Variants in SCHIP1 observed in about 807,000 individuals in gnomAD.
The protein encoded by SCHIP1 is schwannomin-interacting protein 1.
Under a neutral mutation model 29.7 loss-of-function variants are expected in SCHIP1, and 8 were observed. The observed-to-expected ratio is 0.27, with a 90% CI of 0.16 to 0.49. The LOEUF (loss-of-function observed/expected upper bound fraction) is 0.49. Among genes scored for constraint, SCHIP1 ranks in the 20% least tolerant of loss-of-function variants. The pLI is 0.99. For synonymous variants in SCHIP1, 76 were observed against 94.9 expected, an observed-to-expected ratio of 0.80 and a Z score of 1.16; for missense variants, 193 against 294.6, an observed-to-expected ratio of 0.66 and a Z score of 2.52.
At chr3:159,636,081 C>T in the SCHIP1 span, among the ~76,000 whole-genome samples, 1 of 152,212 alleles carries the variant, frequency 6.6e-6, no homozygotes, top group Admixed American at 6.5e-5. Context: ...CAGAGTCCTG[C>T]TCTGCTGCCC....
chr3:159,417,838 C>T, the SCHIP1 span, among the ~76,000 whole-genome samples: 1 of 152,200 alleles, frequency 6.6e-6, no homozygotes, highest in Admixed American at 6.5e-5. Flanking sequence ...TGAACCTCTA[C>T]TGCCATATTA....
chr3:159,281,211 C>G, the SCHIP1 span, among the ~76,000 whole-genome samples: 1 of 152,190 alleles, frequency 6.6e-6, no homozygotes. Flanking sequence ...GAAATACATC[C>G]TCTTGGAACT....
chr3:159,775,687 G>A, the SCHIP1 span, among the ~76,000 whole-genome samples: 2 of 152,222 alleles, frequency 1.3e-5, no homozygotes, highest in Admixed American at 6.5e-5. Flanking sequence ...TAGCCACCCA[G>A]CTGTGCCAGT....
chr3:159,465,626 G>A, the SCHIP1 span, among the ~76,000 whole-genome samples: 15 of 152,162 alleles, frequency 9.9e-5, no homozygotes, highest in South Asian at 2.7e-3. Context: ...TTTCCTTTGA[G>A]TTGCAATAAA....
At chr3:159,287,569 T>C in the SCHIP1 span, among the ~76,000 whole-genome samples, 1 of 152,282 alleles carries the variant, frequency 6.6e-6, no homozygotes, top group Non-Finnish European at 1.5e-5. Context: ...AATTACTGTC[T>C]AGCACAAGAT....
the SCHIP1 span, among the ~76,000 whole-genome samples, chr3:159,357,355 A>G: frequency 6.6e-6 from 1 of 152,220 alleles, no homozygotes; most frequent in Non-Finnish European, 1.5e-5. Flanking sequence ...CAAGATAATA[A>G]TTGAAATTCT....
chr3:159,736,579 C>T, the SCHIP1 span, among the ~76,000 whole-genome samples: 1 of 152,180 alleles, frequency 6.6e-6, no homozygotes, highest in Non-Finnish European at 1.5e-5. Context: ...ACACCAGCTT[C>T]TTGCCTTCAT....
chr3:159,581,619 C>G, the SCHIP1 span, among the ~76,000 whole-genome samples: 1 of 152,086 alleles, frequency 6.6e-6, no homozygotes, highest in African/African-American at 2.4e-5. Flanking sequence ...GACTATCCAC[C>G]CCTCTACAGA....
chr3:159,626,787 T>G, the SCHIP1 span, among the ~76,000 whole-genome samples: 1 of 152,190 alleles, frequency 6.6e-6, no homozygotes, highest in African/African-American at 2.4e-5. Context: ...TCTCCTAGAT[T>G]GCATTCCTGT....
chr3:159,575,915 T>C, the SCHIP1 span, among the ~76,000 whole-genome samples: 1 of 152,182 alleles, frequency 6.6e-6, no homozygotes, highest in Non-Finnish European at 1.5e-5. Flanking sequence ...TTGCAATTAG[T>C]ATTTGCTTAT....
chr3:159,759,176 A>T, the SCHIP1 span, among the ~76,000 whole-genome samples: 3 of 152,226 alleles, frequency 2.0e-5, no homozygotes, highest in South Asian at 4.1e-4. Flanking sequence ...TTTTCATTAA[A>T]ATATAGCTCT....
chr3:159,809,677 A>G, the SCHIP1 span, among the ~76,000 whole-genome samples: 3 of 150,112 alleles, frequency 2.0e-5, no homozygotes. Context: ...AAAAAAAAAA[A>G]GAAGCTAATT....
At chr3:159,282,382 ATG>A in the SCHIP1 span, among the ~76,000 whole-genome samples, 2 of 151,698 alleles carry the variant, frequency 1.3e-5, no homozygotes, top group African/African-American at 4.8e-5. Flanking sequence ...CTGAGATTTT[ATG>A]TGTTAAATAT....
chr3:159,756,855 T>G, the SCHIP1 span, among the ~76,000 whole-genome samples: 2 of 152,210 alleles, frequency 1.3e-5, no homozygotes, highest in African/African-American at 4.8e-5. Flanking sequence ...ATGCCACCAG[T>G]CTTTTTGCTA....
At chr3:159,811,923 C>A in the SCHIP1 span, among the ~76,000 whole-genome samples, 8 of 146,800 alleles carry the variant, frequency 5.4e-5, no homozygotes, top group South Asian at 1.3e-3. Context: ...TTATTTAGAT[C>A]TTTCTTCTTA....
the SCHIP1 span, among the ~76,000 whole-genome samples, chr3:159,479,624 G>A: frequency 6.6e-6 from 1 of 151,988 alleles, no homozygotes; most frequent in African/African-American, 2.4e-5. Context: ...ATTTCATTTT[G>A]CACTGGATAT....
chr3:159,664,906 G>A, the SCHIP1 span, among the ~76,000 whole-genome samples: 2 of 152,238 alleles, frequency 1.3e-5, no homozygotes, highest in Admixed American at 1.3e-4. Flanking sequence ...GCCCCATGCA[G>A]ATCTACTGAA....
At chr3:159,357,676 T>A in the SCHIP1 span, among the ~76,000 whole-genome samples, 1 of 152,230 alleles carries the variant, frequency 6.6e-6, no homozygotes, top group African/African-American at 2.4e-5. Flanking sequence ...AGCTTTTTTC[T>A]TCATCATATC....
the SCHIP1 span, among the ~76,000 whole-genome samples, chr3:159,563,650 TA>T: frequency 6.6e-6 from 1 of 151,944 alleles, no homozygotes; most frequent in African/African-American, 2.4e-5. Flanking sequence ...GCAGCATAGT[TA>T]AAACCTGTCT....
Sources: gnomAD v4.1 joint callset for allele counts (sites outside exome capture counted in the v4.1 genomes callset) on GRCh38, gnomAD v4.1.1 for gene constraint, MANE v1.5 for transcripts, NCBI Gene and HGNC (gene_info 2026-07-23, HGNC 2026-07-21) for gene names.